ABCA13: variants seen among roughly 807,000 people sequenced by gnomAD.
The protein encoded by ABCA13 is ATP-binding cassette sub-family A member 13.
In ABCA13, 476 loss-of-function variants were observed where a neutral mutation model predicts 478.7. That is an observed-to-expected ratio of 0.99 (90% CI 0.92 to 1.07). The LOEUF is 1.07. Among genes scored for constraint, ABCA13 ranks in the 50% least tolerant of loss-of-function variants. The pLI is 0.00. For synonymous variants in ABCA13, 2,252 were observed against 2,158.9 expected (o/e 1.04, Z -1.20); for missense variants, 6,060 against 5,910.6 (o/e 1.03, Z -0.83).
intron 48 of ABCA13, among the ~76,000 whole-genome samples, chr7:48,492,818 GA>G (rs1829957173): frequency 6.6e-6 from 1 of 152,108 alleles, no homozygotes; most frequent in South Asian, 2.1e-4. Flanking sequence ...CTGAACTCAG[GA>G]GTTCGAGACC....
intron 48 of ABCA13, among the ~76,000 whole-genome samples, chr7:48,498,984 T>C (rs1830505876): frequency 6.6e-6 from 1 of 152,190 alleles, no homozygotes. Flanking sequence ...AATGCATACA[T>C]GTAGAGAAAA....
chr7:48,379,468 T>A (rs779268511), intron 35 of ABCA13, among the ~76,000 whole-genome samples: 9 of 152,100 alleles, frequency 5.9e-5, no homozygotes, highest in East Asian at 5.8e-4. Flanking sequence ...TAATGTAATT[T>A]AAAAATTTTA....
At chr7:48,565,248 C>A (rs1585826920) in intron 55 of ABCA13, among the ~76,000 whole-genome samples, 13 of 103,574 alleles carry the variant, frequency 1.3e-4, no homozygotes, top group South Asian at 3.2e-4. Context: ...TAGTTTATAA[C>A]ATTTTCTTCA....
At chr7:48,640,721 T>C (rs1259049438) in intron 59 of ABCA13, among the ~76,000 whole-genome samples, 1 of 152,214 alleles carries the variant, frequency 6.6e-6, no homozygotes, top group Non-Finnish European at 1.5e-5. Flanking sequence ...CATAACTGTG[T>C]ATGTTATAGA....
At chr7:48,244,760 A>T (rs962691166) in intron 11 of ABCA13, 57 bp downstream of exon 11, 2 of 1,523,666 alleles carry the variant, frequency 1.3e-6, no homozygotes, top group African/African-American at 1.4e-5. Flanking sequence ...TGTGAAATTT[A>T]TTGGAAAATG....
intron 1 of ABCA13, among the ~76,000 whole-genome samples, chr7:48,172,760 T>A (rs1434962775): frequency 8.4e-6 from 1 of 119,540 alleles, no homozygotes; most frequent in Non-Finnish European, 1.6e-5. Context: ...ATCGCGCCAC[T>A]GCACTCCAGC....
intron 55 of ABCA13, among the ~76,000 whole-genome samples, chr7:48,534,481 C>T (rs910533238): frequency 4.6e-5 from 7 of 152,060 alleles, no homozygotes; most frequent in Non-Finnish European, 8.8e-5. Flanking sequence ...TTCCTTAAAA[C>T]GTAGGTGATG....
chr7:48,240,833 A>G (rs778789184), intron 9 of ABCA13, 34 bp from the exon 10 acceptor site: 2 of 1,458,606 alleles, frequency 1.4e-6, no homozygotes, highest in Non-Finnish European at 1.8e-6. Flanking sequence ...ATTTGCTATT[A>G]TTAATGCTAG....
intron 15 of ABCA13, among the ~76,000 whole-genome samples, chr7:48,259,189 T>C (rs531680092): frequency 1.3e-5 from 2 of 152,230 alleles, no homozygotes; most frequent in East Asian, 1.9e-4. Flanking sequence ...GATCTAATAT[T>C]GTCAGTGGGG....
intron 41 of ABCA13, among the ~76,000 whole-genome samples, chr7:48,420,248 T>C (rs1820569200): frequency 6.6e-6 from 1 of 152,190 alleles, no homozygotes; most frequent in Non-Finnish European, 1.5e-5. Context: ...GATCTCCAAC[T>C]TTACCTACAA....
At chr7:48,346,227 T>TGTAAGA (rs1448311438) in intron 29 of ABCA13, among the ~76,000 whole-genome samples, 2 of 152,124 alleles carry the variant, frequency 1.3e-5, no homozygotes, top group Non-Finnish European at 2.9e-5. Flanking sequence ...TACCTATGTC[T>TGTAAGA]CCCAATTATA....
intron 3 of ABCA13, among the ~76,000 whole-genome samples, chr7:48,201,709 G>C (rs1316165517): frequency 6.6e-6 from 1 of 152,154 alleles, no homozygotes; most frequent in African/African-American, 2.4e-5. Flanking sequence ...AACAGAACAA[G>C]ACTGTCTCAA....
In ABCA13 at chr7:48,410,564, G is replaced by C. The variant is rs1489098916; in HGVS notation, c.12115G>C (p.Ala4039Pro). The change falls in exon 40 of 62, where the codon GCG (alanine) becomes CCG (proline). Residue 4039 changes from alanine (A) to proline (P), a missense_variant. Physicochemically the swap from Ala to Pro is conservative, Grantham distance 27. Coordinates refer to ENST00000435803, the MANE Select transcript of ABCA13 (RefSeq NM_152701.5). ...AACCCACCACCTGGATGAAGCTGAA[G>C]CGCTGAGTGACCGCGTGGCCGTCCT... The part of the protein sequence containing the change: ...FTTHHLDEAE[A>P]LSDRVAVLQH... 1 of 1,614,026 alleles carries C rather than the reference G, an allele frequency of 6.2e-7. No individual in the cohort carries two copies. Among genetic ancestry groups the C allele is most frequent in the Admixed American group, 1.7e-5 (1 of 60,030 alleles).
intron 44 of ABCA13, among the ~76,000 whole-genome samples, chr7:48,469,450 G>C (rs1305818363): frequency 6.6e-6 from 1 of 152,172 alleles, no homozygotes; most frequent in Non-Finnish European, 1.5e-5. Context: ...CACTCTTACT[G>C]ACTGTGTGAC....
At chr7:48,349,320 CTG>C (rs979396294) in intron 29 of ABCA13, among the ~76,000 whole-genome samples, 1 of 152,124 alleles carries the variant, frequency 6.6e-6, no homozygotes, top group Non-Finnish European at 1.5e-5. Flanking sequence ...CTTTGAGAAA[CTG>C]TGCAATGTAG....
intron 52 of ABCA13, among the ~76,000 whole-genome samples, chr7:48,518,544 A>T (rs542384344): frequency 6.6e-4 from 100 of 152,306 alleles, no homozygotes; most frequent in African/African-American, 2.4e-3. Context: ...TCAACAGGCA[A>T]TGAAGTGTTT....
At chr7:48,608,119 G>A (rs1168072992) in intron 58 of ABCA13, among the ~76,000 whole-genome samples, 2 of 152,152 alleles carry the variant, frequency 1.3e-5, no homozygotes, top group Admixed American at 1.3e-4. Context: ...GACCTCAGGT[G>A]ATCCACCCAC....
At chr7:48,503,383 C>A (rs1007774965) in intron 48 of ABCA13, among the ~76,000 whole-genome samples, 21 of 152,192 alleles carry the variant, frequency 1.4e-4, no homozygotes, top group Non-Finnish European at 5.9e-5. Context: ...AGCTACCATG[C>A]CCAGGCTTTA....
intron 5 of ABCA13, 21 bp from the exon 6 acceptor site, chr7:48,227,241 G>T (rs1459893150): frequency 1.9e-5 from 30 of 1,609,258 alleles, no homozygotes; most frequent in Non-Finnish European, 2.5e-5. Flanking sequence ...GAAACTTTTG[G>T]TGTATTTTTT....
Sources: gnomAD v4.1 joint callset for allele counts (sites outside exome capture counted in the v4.1 genomes callset) on GRCh38, gnomAD v4.1.1 for gene constraint, MANE v1.5 for transcripts, NCBI Gene and HGNC (gene_info 2026-07-23, HGNC 2026-07-21) for gene names.